PLXDC2: variants seen among roughly 807,000 people sequenced by gnomAD.
The protein encoded by PLXDC2 is plexin domain-containing protein 2.
In PLXDC2, 40 loss-of-function variants were observed where a neutral mutation model predicts 68.9. The ratio of observed to expected loss-of-function variants is 0.58; its 90% CI spans 0.45 to 0.76. The LOEUF (loss-of-function observed/expected upper bound fraction) is 0.76. PLXDC2 is among the 30% of genes least tolerant of loss of function. The pLI is 0.00. For synonymous variants in PLXDC2, 243 were observed against 234.2 expected (o/e 1.04, Z -0.34); for missense variants, 644 against 661.9 (o/e 0.97, Z 0.30).
At chr10:19,935,771 G>A (rs765197886) in intron 1 of PLXDC2, among the ~76,000 whole-genome samples, 2 of 152,192 alleles carry the variant, frequency 1.3e-5, no homozygotes, top group Non-Finnish European at 2.9e-5. Flanking sequence ...CCACTGAAAG[G>A]AATTAGTATT....
intron 1 of PLXDC2, among the ~76,000 whole-genome samples, chr10:19,962,955 A>T (rs1393965216): frequency 7.2e-6 from 1 of 139,534 alleles, no homozygotes; most frequent in Non-Finnish European, 1.5e-5. Flanking sequence ...GTGAAACTGT[A>T]CTCCAGCCTG....
chr10:19,965,552 T>A (rs1834233300), intron 1 of PLXDC2, among the ~76,000 whole-genome samples: 1 of 152,172 alleles, frequency 6.6e-6, no homozygotes, highest in South Asian at 2.1e-4. Flanking sequence ...GTTCTGTGTG[T>A]CACATTGCCA....
intron 13 of PLXDC2, among the ~76,000 whole-genome samples, chr10:20,256,378 C>A (rs990027744): frequency 6.6e-6 from 1 of 151,950 alleles, no homozygotes; most frequent in Admixed American, 6.6e-5. Context: ...AATGATCCAC[C>A]GGCCTCTGCC....
At chr10:20,022,701 A>T (rs1379953236) in intron 2 of PLXDC2, among the ~76,000 whole-genome samples, 1 of 152,104 alleles carries the variant, frequency 6.6e-6, no homozygotes, top group East Asian at 1.9e-4. Flanking sequence ...TCCTGTGGGT[A>T]ACCAGAATGA....
intron 4 of PLXDC2, among the ~76,000 whole-genome samples, chr10:20,133,370 A>G (rs1308538148): frequency 1.3e-5 from 2 of 151,870 alleles, no homozygotes; most frequent in Non-Finnish European, 1.5e-5. Context: ...TCTCTTTACC[A>G]TTTCTTGTGA....
intron 1 of PLXDC2, among the ~76,000 whole-genome samples, chr10:19,989,492 T>A (rs543400106): frequency 6.6e-6 from 1 of 152,178 alleles, no homozygotes; most frequent in Non-Finnish European, 1.5e-5. Flanking sequence ...TATGTGGTGC[T>A]GAAATCAAGT....
At position 20,124,927 on chromosome 10, in the gene PLXDC2, G is replaced by A. The variant is rs549050945; in HGVS notation, c.542-18368G>A. ...ATCATGGCTCAGCTTGGGCTCAGAG[G>A]CCTGACAGTAATGACCTTTGGTTTA... On this transcript the variant is annotated intron_variant, in intron 4 of 13. Coordinates refer to ENST00000377252, the MANE Select transcript of PLXDC2 (RefSeq NM_032812.9). Among the ~76,000 whole-genome samples the A allele has an allele frequency of 3.3e-4, 50 of 152,308 alleles. 1 individual carries two copies. The South Asian group carries it at 8.5e-3, about 26-fold the overall frequency.
At chr10:20,094,558 T>A (rs1456600661) in intron 4 of PLXDC2, among the ~76,000 whole-genome samples, 2 of 151,792 alleles carry the variant, frequency 1.3e-5, no homozygotes, top group African/African-American at 2.4e-5. Flanking sequence ...TTTCATTATT[T>A]TTTTTTCTGA....
intron 1 of PLXDC2, among the ~76,000 whole-genome samples, chr10:19,942,580 C>G (rs538588242): frequency 6.6e-6 from 1 of 152,154 alleles, no homozygotes; most frequent in South Asian, 2.1e-4. Context: ...TTGGCCAACA[C>G]GGTGAAACCC....
chr10:20,156,658 G>T (rs1834221149), intron 6 of PLXDC2, among the ~76,000 whole-genome samples: 1 of 152,156 alleles, frequency 6.6e-6, no homozygotes, highest in South Asian at 2.1e-4. Flanking sequence ...GATTATGATT[G>T]TGGAGATGGG....
chr10:20,164,670 A>T (rs1834350671), intron 7 of PLXDC2, 103 bp downstream of exon 7: 1 of 847,030 alleles, frequency 1.2e-6, no homozygotes, highest in African/African-American at 1.7e-5. Flanking sequence ...AAAAATAGCT[A>T]ATCGATTAGC....
intron 3 of PLXDC2, among the ~76,000 whole-genome samples, chr10:20,065,558 T>C (rs544098242): frequency 2.2e-4 from 33 of 152,302 alleles, no homozygotes; most frequent in African/African-American, 7.5e-4. Context: ...TTTATTTCTA[T>C]TATTATTACA....
intron 1 of PLXDC2, among the ~76,000 whole-genome samples, chr10:19,817,393 T>C (rs1836373577): frequency 6.6e-6 from 1 of 152,184 alleles, no homozygotes; most frequent in Non-Finnish European, 1.5e-5. Context: ...AGGGGTTTTC[T>C]TGAGGCTTTC....
At position 20,063,711 on chromosome 10, in the gene PLXDC2, G is replaced by C. The variant is rs1024096758; in HGVS notation, c.472-4459G>C. On this transcript the variant is annotated intron_variant, in intron 3 of 13. Transcript: ENST00000377252. ...ACTCAGAAATCTAGGAGTATGACCT[G>C]AATGAGTCTGATAGTCTGTTGCCCC... Among the ~76,000 whole-genome samples the C allele has an allele frequency of 2.0e-5, 3 of 152,160 alleles. No individual in the cohort carries two copies. In the East Asian group the frequency reaches 5.8e-4, roughly 29 times the overall value.
rs117143589 is a variant in PLXDC2, at chr10:19,969,188, G to C, written c.113-32587G>C. On this transcript the variant is annotated intron_variant, in intron 1 of 13. Transcript: ENST00000377252. The stretch of plus-strand genomic sequence containing the variant: ...ATCAGAAACATGTGATGGAAGGCAA[G>C]ATGGACTTGTCTGTCTATACTGCTA... Among the ~76,000 whole-genome samples the C allele has an allele frequency of 2.0e-4, 30 of 152,276 alleles. No individual in the cohort carries two copies. In the East Asian group the frequency reaches 5.8e-3, roughly 29 times the overall value.
At chr10:19,817,990 G>C (rs993577247) in intron 1 of PLXDC2, among the ~76,000 whole-genome samples, 5 of 152,192 alleles carry the variant, frequency 3.3e-5, no homozygotes, top group African/African-American at 1.2e-4. Context: ...CCGAGCGGGA[G>C]CTGCCTCCTG....
intron 1 of PLXDC2, among the ~76,000 whole-genome samples, chr10:19,863,640 T>C (rs913051): frequency 1.4e-4 from 21 of 152,008 alleles, no homozygotes; most frequent in Admixed American, 1.1e-3. Flanking sequence ...GAAAGAAACA[T>C]GACATGCATG....
chr10:19,945,232 T>C (rs964036962), intron 1 of PLXDC2, among the ~76,000 whole-genome samples: 9 of 152,222 alleles, frequency 5.9e-5, no homozygotes, highest in Non-Finnish European at 1.3e-4. Flanking sequence ...TGTAGATTTC[T>C]TGGCCCTTTA....
intron 1 of PLXDC2, among the ~76,000 whole-genome samples, chr10:19,913,873 A>G (rs140019880): frequency 1.1e-3 from 173 of 152,268 alleles, no homozygotes; most frequent in African/African-American, 3.9e-3. Flanking sequence ...TTTCAACTAC[A>G]GCTTTTTATT....
Sources: gnomAD v4.1 joint callset for allele counts (sites outside exome capture counted in the v4.1 genomes callset) on GRCh38, gnomAD v4.1.1 for gene constraint, MANE v1.5 for transcripts, NCBI Gene and HGNC (gene_info 2026-07-23, HGNC 2026-07-21) for gene names.